Variants in CDH18 observed in about 807,000 individuals in gnomAD.
CDH18 encodes the protein cadherin-18.
Under a neutral mutation model 67.9 loss-of-function variants are expected in CDH18, and 31 were observed. The ratio of observed to expected loss-of-function variants is 0.46; its 90% confidence interval spans 0.34 to 0.62. The LOEUF (loss-of-function observed/expected upper bound fraction) is 0.62, where lower values mean the gene tolerates loss of function less well. CDH18 is among the 20% of genes least tolerant of loss of function. The pLI is 0.01. For missense variants in CDH18, 890 were observed against 975.5 expected (o/e 0.91, Z 1.17); for synonymous variants, 362 against 347.2 (o/e 1.04, Z -0.48).
intron 2 of CDH18, among the ~76,000 whole-genome samples, chr5:20,250,639 G>A (rs569004474): frequency 1.0e-5 from 1 of 96,062 alleles, no homozygotes; most frequent in Non-Finnish European, 1.9e-5. Context: ...ATCTTGTTCT[G>A]TCGCCCAGGC....
Position 20,527,335 on chromosome 5 carries a change from A to G in CDH18, c.-580+48127T>C, listed in dbSNP as rs554362042. On this transcript the variant is annotated intron_variant, in intron 1 of 14. Coordinates refer to the CDH18 transcript ENST00000507958. ...AAAATGGAACCGAGATGGAAAACAC[A>G]CTAGAGAATATCATCCAGGGGAACT... 9.2e-5 allele frequency among the ~76,000 whole-genome samples: 14 copies of G among 152,194 alleles called. No individual in the cohort carries two copies. The South Asian group carries it at 2.7e-3, about 29-fold the overall frequency.
At chr5:20,130,367 C>G (rs1185872166) in intron 2 of CDH18, among the ~76,000 whole-genome samples, 2 of 148,054 alleles carry the variant, frequency 1.4e-5, no homozygotes, top group East Asian at 4.0e-4. Context: ...TTTCTCCAAT[C>G]CAAAGGCAGA....
At chr5:20,306,657 A>G (rs1286067322) in intron 1 of CDH18, among the ~76,000 whole-genome samples, 1 of 149,674 alleles carries the variant, frequency 6.7e-6, no homozygotes, top group South Asian at 2.1e-4. Flanking sequence ...CTGGGGACAT[A>G]GTTAAACCGT....
chr5:20,272,661 T>C (rs753958755), intron 1 of CDH18, among the ~76,000 whole-genome samples: 1 of 152,184 alleles, frequency 6.6e-6, no homozygotes, highest in Non-Finnish European at 1.5e-5. Context: ...ATATTTATAT[T>C]GACATAACAT....
intron 2 of CDH18, among the ~76,000 whole-genome samples, chr5:19,900,603 T>C (rs769728475): frequency 6.6e-6 from 1 of 152,142 alleles, no homozygotes; most frequent in African/African-American, 2.4e-5. Context: ...TTTTTAAAGT[T>C]GAAAAATAAT....
intron 3 of CDH18, among the ~76,000 whole-genome samples, chr5:19,825,626 C>G (rs1310964254): frequency 6.6e-6 from 1 of 151,862 alleles, no homozygotes; most frequent in Non-Finnish European, 1.5e-5. Flanking sequence ...GGAGTACATT[C>G]AAGATCCAGG....
intron 10 of CDH18, among the ~76,000 whole-genome samples, chr5:19,510,719 C>A (rs923738101): frequency 6.6e-6 from 1 of 152,008 alleles, no homozygotes; most frequent in African/African-American, 2.4e-5. Flanking sequence ...TCCCACATAA[C>A]CCCTACCTGG....
chr5:20,338,887 C>CA (rs1452414032), intron 1 of CDH18, among the ~76,000 whole-genome samples: 1 of 152,190 alleles, frequency 6.6e-6, no homozygotes, highest in Non-Finnish European at 1.5e-5. Flanking sequence ...AAGACACCAA[C>CA]AGTGGAGAGC....
At chr5:20,046,353 G>C (rs1740891133) in intron 2 of CDH18, among the ~76,000 whole-genome samples, 1 of 151,866 alleles carries the variant, frequency 6.6e-6, no homozygotes, top group South Asian at 2.1e-4. Flanking sequence ...AGTCCATTGG[G>C]CATGGCTAGA....
intron 1 of CDH18, among the ~76,000 whole-genome samples, chr5:20,288,890 T>C (rs1414994115): frequency 3.9e-5 from 6 of 152,000 alleles, no homozygotes; most frequent in African/African-American, 1.4e-4. Flanking sequence ...TTTCAAAAAA[T>C]AATTCTTCAC....
intron 2 of CDH18, among the ~76,000 whole-genome samples, chr5:19,945,269 T>G (rs1293861507): frequency 2.0e-5 from 3 of 152,020 alleles, no homozygotes; most frequent in African/African-American, 7.3e-5. Flanking sequence ...GGGATCAAGC[T>G]GGGGATACAG....
rs761826205 is a variant in CDH18, at chr5:20,299,615, C to T, written c.-579-44110G>A. On this transcript the variant is annotated intron_variant, in intron 1 of 14. Coordinates refer to the CDH18 transcript ENST00000507958. ...CTCTACTAAAAATACAAAAATTAGC[C>T]GGGCGTGGTGGTGCATGCCTGTAGT... is the stretch of plus-strand genomic sequence containing the variant. Among the ~76,000 whole-genome samples the T allele has an allele frequency of 5.3e-5, 8 of 151,776 alleles. No homozygotes were observed. The South Asian group carries it at 8.3e-4, about 16-fold the overall frequency.
At chr5:19,886,468 A>T (rs1307560235) in intron 2 of CDH18, among the ~76,000 whole-genome samples, 1 of 152,142 alleles carries the variant, frequency 6.6e-6, no homozygotes, top group Non-Finnish European at 1.5e-5. Flanking sequence ...TGAAGAAGCA[A>T]CCCTAAATTC....
intron 1 of CDH18, among the ~76,000 whole-genome samples, chr5:20,339,871 C>G (rs1740111665): frequency 6.6e-6 from 1 of 152,166 alleles, no homozygotes; most frequent in African/African-American, 2.4e-5. Flanking sequence ...CTGACTGCTG[C>G]TGAAAAATAG....
chr5:20,021,966 C>G (rs943062189), intron 2 of CDH18, among the ~76,000 whole-genome samples: 1 of 152,156 alleles, frequency 6.6e-6, no homozygotes, highest in Admixed American at 6.5e-5. Flanking sequence ...TACATTTTAG[C>G]CCCCAGAAAA....
chr5:19,628,363 T>C (rs1315144351), intron 5 of CDH18, among the ~76,000 whole-genome samples: 1 of 152,152 alleles, frequency 6.6e-6, no homozygotes, highest in Non-Finnish European at 1.5e-5. Flanking sequence ...CTAATACAAG[T>C]GACATGATTT....
At chr5:20,266,341 T>C (rs936789025) in intron 1 of CDH18, among the ~76,000 whole-genome samples, 1 of 152,130 alleles carries the variant, frequency 6.6e-6, no homozygotes, top group South Asian at 2.1e-4. Context: ...GCAATTTGAA[T>C]TTGAGGAGAT....
chr5:20,302,627 A>T (rs1029165715), intron 1 of CDH18, among the ~76,000 whole-genome samples: 5 of 152,166 alleles, frequency 3.3e-5, no homozygotes, highest in Non-Finnish European at 7.3e-5. Flanking sequence ...TTTGATCATA[A>T]AATTGCTCCC....
At chr5:20,349,409 C>G (rs1017402340) in intron 1 of CDH18, among the ~76,000 whole-genome samples, 1 of 151,942 alleles carries the variant, frequency 6.6e-6, no homozygotes, top group African/African-American at 2.4e-5. Context: ...TCTTTTTTTG[C>G]CTCTAATCTT....
Sources: allele counts gnomAD v4.1 joint callset (sites outside exome capture counted in the v4.1 genomes callset), GRCh38; gene constraint gnomAD v4.1.1; transcripts MANE v1.5; gene names NCBI Gene and HGNC (gene_info 2026-07-23, HGNC 2026-07-21).